NELL1: variants seen among roughly 807,000 people sequenced by gnomAD.
The protein encoded by NELL1 is protein kinase C-binding protein NELL1.
In NELL1, 76 loss-of-function variants were observed where a neutral mutation model predicts 107.4. The observed-to-expected ratio is 0.71, with a 90% CI of 0.59 to 0.86. NELL1 has a LOEUF of 0.86. Among genes scored for constraint, NELL1 ranks in the 40% least tolerant of loss-of-function variants. The probability of loss-of-function intolerance (pLI) is 0.00; values close to 1 mark genes in which losing one functional copy is unlikely to be tolerated. For missense variants in NELL1, 1,024 were observed against 1,005.5 expected (o/e 1.02, Z -0.25); for synonymous variants, 353 against 341.2 (o/e 1.03, Z -0.38).
intron 16 of NELL1, among the ~76,000 whole-genome samples, chr11:21,555,676 G>A (rs1018704159): frequency 7.9e-5 from 12 of 151,996 alleles, no homozygotes; most frequent in African/African-American, 2.9e-4. Flanking sequence ...AATGCTAAAG[G>A]GGTATTGAAA....
At chr11:21,006,851 C>T (rs1228757139) in intron 12 of NELL1, among the ~76,000 whole-genome samples, 1 of 152,064 alleles carries the variant, frequency 6.6e-6, no homozygotes, top group Non-Finnish European at 1.5e-5. Context: ...GCAGGCTGGG[C>T]CAAAGGAAAT....
intron 11 of NELL1, among the ~76,000 whole-genome samples, chr11:20,956,563 A>G (rs1045827850): frequency 1.5e-4 from 22 of 147,910 alleles, no homozygotes; most frequent in East Asian, 2.1e-4. Context: ...GGAGAATGGC[A>G]TGAACCCGGG....
Position 21,186,126 on chromosome 11 carries a change from C to G in NELL1, c.1427-43206C>G, listed in dbSNP as rs112995612. 1.3e-3 allele frequency among the ~76,000 whole-genome samples: 190 copies of G among 151,910 alleles called. 4 individuals carry two copies. Among genetic ancestry groups the G allele is most frequent in the African/African-American group, 4.5e-3 (184 of 41,218 alleles). ...GTCAAAATTGAATGAAAGGAAAAGT[C>G]TGATTCACTGAGCTTAGGTCACATG... On this transcript the variant is annotated intron_variant, in intron 13 of 19. Coordinates refer to ENST00000357134, the MANE Select transcript of NELL1 (RefSeq NM_006157.5).
chr11:21,026,771 G>A (rs1852823447), intron 12 of NELL1, among the ~76,000 whole-genome samples: 1 of 152,126 alleles, frequency 6.6e-6, no homozygotes, highest in South Asian at 2.1e-4. Context: ...TTTGAGTTAA[G>A]TAATCTTACC....
At chr11:21,534,911 A>C (rs1282278425) in intron 16 of NELL1, among the ~76,000 whole-genome samples, 2 of 152,148 alleles carry the variant, frequency 1.3e-5, no homozygotes, top group East Asian at 3.9e-4. Context: ...TTTAGTTTGA[A>C]TCTCATCTCT....
intron 13 of NELL1, among the ~76,000 whole-genome samples, chr11:21,184,850 A>T (rs1396299655): frequency 6.6e-6 from 1 of 151,852 alleles, no homozygotes; most frequent in African/African-American, 2.4e-5. Flanking sequence ...ATAGTGAATC[A>T]ACTTGTGAAT....
intron 14 of NELL1, among the ~76,000 whole-genome samples, chr11:21,249,397 T>G (rs1172810651): frequency 6.6e-6 from 1 of 152,154 alleles, no homozygotes; most frequent in African/African-American, 2.4e-5. Context: ...AAAGAAGGTT[T>G]TTTTTTCTTA....
In NELL1 at chr11:21,560,370, C is replaced by G; in HGVS notation, c.1968C>G (p.Val656=). 6.3e-7 allele frequency: 1 copy of G among 1,583,986 alleles called. No homozygotes were observed. The highest frequency in any genetic ancestry group is 8.6e-7 in the Non-Finnish European group (1 of 1,166,284). The stretch of plus-strand genomic sequence containing the variant: ...CCTTGAAAGAAGACAGGTGTTCTGT[C>G]TGCTCCTGCAAGGTGAGGCTGATGT... The part of the protein sequence containing the change: ...VWTLKEDRCS[V]CSCKDGKIFC... The change falls in exon 17 of 20, where the codon GTC becomes GTG. Residue 656 remains valine (V), a synonymous_variant. Transcript: ENST00000357134.
intron 12 of NELL1, among the ~76,000 whole-genome samples, chr11:21,036,415 A>G (rs1853094136): frequency 6.6e-6 from 1 of 152,166 alleles, no homozygotes; most frequent in African/African-American, 2.4e-5. Flanking sequence ...AAAAACAGCC[A>G]AATAGCCAAG....
chr11:21,444,593 A>C (rs962060106), intron 15 of NELL1, among the ~76,000 whole-genome samples: 1 of 152,020 alleles, frequency 6.6e-6, no homozygotes, highest in African/African-American at 2.4e-5. Flanking sequence ...TAAAACATTT[A>C]GTTTTTGTGG....
At chr11:21,197,418 CAAAA>C (rs58951508) in intron 13 of NELL1, among the ~76,000 whole-genome samples, 12,517 of 142,620 alleles carry the variant, frequency 0.088, 572 homozygotes, top group Non-Finnish European at 0.11. Flanking sequence ...AACAAACAAC[CAAAA>C]AAAAAAAAAA....
chr11:21,323,370 A>T (rs1440351092), intron 14 of NELL1, among the ~76,000 whole-genome samples: 1 of 152,164 alleles, frequency 6.6e-6, no homozygotes, highest in Non-Finnish European at 1.5e-5. Flanking sequence ...GAAGCTAATA[A>T]TAAGGACAGG....
At chr11:21,315,701 G>T (rs1312709124) in intron 14 of NELL1, among the ~76,000 whole-genome samples, 1 of 152,128 alleles carries the variant, frequency 6.6e-6, no homozygotes, top group Non-Finnish European at 1.5e-5. Context: ...CCTTGTGATT[G>T]TTTCCCCTGC....
At chr11:21,077,254 C>T (rs576710372) in intron 12 of NELL1, among the ~76,000 whole-genome samples, 1 of 152,134 alleles carries the variant, frequency 6.6e-6, no homozygotes, top group South Asian at 2.1e-4. Flanking sequence ...AATGCATACT[C>T]TTGTAAATGA....
chr11:21,358,083 C>T (rs1850980223), intron 14 of NELL1, among the ~76,000 whole-genome samples: 1 of 152,096 alleles, frequency 6.6e-6, no homozygotes. Flanking sequence ...TAGTGTGATG[C>T]CTCCAGATTT....
At chr11:21,292,913 C>G (rs1031168011) in intron 14 of NELL1, among the ~76,000 whole-genome samples, 3 of 152,054 alleles carry the variant, frequency 2.0e-5, no homozygotes, top group Non-Finnish European at 4.4e-5. Flanking sequence ...CTTCCTTACA[C>G]CTTATACAAA....
intron 12 of NELL1, among the ~76,000 whole-genome samples, chr11:20,990,957 TTTCCACTCCTGGA>T (rs1375878436): frequency 6.8e-6 from 1 of 148,102 alleles, no homozygotes; most frequent in Non-Finnish European, 1.5e-5. Flanking sequence ...CTTCTGGTGG[TTTCCACTCCTGGA>T]TTCCACAGCT....
chr11:21,105,285 C>T (rs1173806490), intron 12 of NELL1, among the ~76,000 whole-genome samples: 1 of 152,036 alleles, frequency 6.6e-6, no homozygotes, highest in Non-Finnish European at 1.5e-5. Context: ...GAGAGGGCCA[C>T]CAAAGTGGGA....
chr11:21,455,388 T>TTG (rs1853702311), intron 15 of NELL1, among the ~76,000 whole-genome samples: 1 of 150,516 alleles, frequency 6.6e-6, no homozygotes, highest in Non-Finnish European at 1.5e-5. Context: ...CTGGAGTGTG[T>TTG]TGGCATGGTC....
Sources: allele counts gnomAD v4.1 joint callset (sites outside exome capture counted in the v4.1 genomes callset), GRCh38; gene constraint gnomAD v4.1.1; transcripts MANE v1.5; gene names NCBI Gene and HGNC (gene_info 2026-07-23, HGNC 2026-07-21).